Variants in TAF3 observed in about 807,000 individuals in gnomAD.
The protein encoded by TAF3 is TATA-box binding protein associated factor 3.
TAF3 carries 7 observed loss-of-function variants against 80.6 expected under a neutral mutation model. That is an observed-to-expected ratio of 0.09 (90% CI 0.05 to 0.16). The LOEUF is 0.16. Ranked by LOEUF, TAF3 falls within the 10% of genes least tolerant of loss-of-function variation. TAF3 has a pLI of 1.00. For synonymous variants in TAF3, 444 were observed against 446.1 expected (o/e 1.00, Z 0.06); for missense variants, 921 against 1,140.2 (o/e 0.81, Z 2.77).
chr10:7,855,436 G>A (rs531094707), intron 2 of TAF3, among the ~76,000 whole-genome samples: 47 of 152,302 alleles, frequency 3.1e-4, no homozygotes, highest in African/African-American at 9.9e-4. Context: ...GAATACACCG[G>A]ATGCCGAGAT....
intron 2 of TAF3, among the ~76,000 whole-genome samples, chr10:7,937,716 G>T (rs1837934554): frequency 6.6e-6 from 1 of 152,212 alleles, no homozygotes; most frequent in Non-Finnish European, 1.5e-5. Context: ...AGGTCACAGG[G>T]AATAGTAATA....
intron 2 of TAF3, among the ~76,000 whole-genome samples, chr10:7,924,068 G>A (rs904646007): frequency 6.6e-6 from 1 of 152,112 alleles, no homozygotes; most frequent in East Asian, 1.9e-4. Flanking sequence ...TTCTCTTTGC[G>A]CACACCAATG....
chr10:7,960,177 G>A lies in TAF3; in HGVS notation c.410-3743G>A, dbSNP rs144865251. Reference sequence around the variant, plus strand: ...AGGAGGTTCTTTGAAATTTAGAAATGTAATATTAATAAGTGAATGTTCATT... The same window carrying A: ...AGGAGGTTCTTTGAAATTTAGAAATATAATATTAATAAGTGAATGTTCATT... On this transcript the variant is annotated intron_variant, in intron 2 of 6. Coordinates refer to ENST00000344293, the MANE Select transcript of TAF3 (RefSeq NM_031923.4). 9.5e-3 allele frequency among the ~76,000 whole-genome samples: 1,441 copies of A among 152,328 alleles called. 17 individuals are homozygous for A. Among genetic ancestry groups the A allele is most frequent in the Non-Finnish European group, 0.017 (1,161 of 68,036 alleles).
intron 2 of TAF3, among the ~76,000 whole-genome samples, chr10:7,914,877 C>T (rs1837693491): frequency 6.6e-6 from 1 of 150,516 alleles, no homozygotes. Context: ...ATAAACACAT[C>T]TGACCACATG....
rs142859282 is a variant in TAF3 at position 7,909,400 on chromosome 10, A to G, written c.410-54520A>G. The stretch of plus-strand genomic sequence containing the variant: ...ACCTCAGCACTTGGCCTCCACCACC[A>G]TCTGCCCCTCAGAACAGCACTTCTG... On this transcript the variant is annotated intron_variant, in intron 2 of 6. Coordinates refer to ENST00000344293, the MANE Select transcript of TAF3 (RefSeq NM_031923.4). Among the ~76,000 whole-genome samples the G allele has an allele frequency of 5.3e-3, 804 of 152,340 alleles. 12 individuals are homozygous for G. Among genetic ancestry groups the G allele is most frequent in the African/African-American group, 0.019 (776 of 41,582 alleles).
intron 2 of TAF3, among the ~76,000 whole-genome samples, chr10:7,949,546 G>A (rs1301653088): frequency 2.0e-5 from 3 of 152,176 alleles, no homozygotes; most frequent in Admixed American, 1.3e-4. Context: ...CCACTTTCAT[G>A]TTGCTTTAAT....
At chr10:7,921,292 A>G (rs1394351509) in intron 2 of TAF3, among the ~76,000 whole-genome samples, 1 of 152,160 alleles carries the variant, frequency 6.6e-6, no homozygotes, top group African/African-American at 2.4e-5. Flanking sequence ...GAGAAATATA[A>G]TGTAGTATGT....
intron 3 of TAF3, among the ~76,000 whole-genome samples, chr10:7,971,090 C>G (rs989264083): frequency 1.3e-5 from 2 of 152,144 alleles, no homozygotes; most frequent in African/African-American, 4.8e-5. Flanking sequence ...CAGCTCCCAG[C>G]CTTTCTGACT....
intron 4 of TAF3, among the ~76,000 whole-genome samples, chr10:8,003,530 A>C (rs1026019261): frequency 2.6e-5 from 4 of 152,248 alleles, no homozygotes; most frequent in Non-Finnish European, 5.9e-5. Flanking sequence ...TTGTGTTCAT[A>C]GTGCTAAACA....
chr10:8,010,365 A>G (rs75382569), intron 5 of TAF3, among the ~76,000 whole-genome samples: 9,511 of 152,332 alleles, frequency 0.062, 402 homozygotes, highest in East Asian at 0.13. Context: ...AGTAATATCA[A>G]TCTGTAAATG....
At chr10:7,943,292 G>C (rs750027345) in intron 2 of TAF3, among the ~76,000 whole-genome samples, 5 of 152,096 alleles carry the variant, frequency 3.3e-5, no homozygotes, top group Non-Finnish European at 7.4e-5. Context: ...CGTTCTGCTT[G>C]CTCCTTAGCA....
intron 2 of TAF3, among the ~76,000 whole-genome samples, chr10:7,841,863 C>T (rs1836916074): frequency 6.6e-6 from 1 of 152,094 alleles, no homozygotes; most frequent in South Asian, 2.1e-4. Flanking sequence ...AATCCTCTAA[C>T]AAAACTTTTT....
chr10:7,935,500 C>T (rs1045123424), intron 2 of TAF3, among the ~76,000 whole-genome samples: 3 of 152,076 alleles, frequency 2.0e-5, no homozygotes, highest in South Asian at 2.1e-4. Flanking sequence ...AGGAGAATGG[C>T]GTGAACCCGG....
intron 2 of TAF3, among the ~76,000 whole-genome samples, chr10:7,918,389 T>C (rs1025641067): frequency 6.6e-6 from 1 of 152,024 alleles, no homozygotes; most frequent in Non-Finnish European, 1.5e-5. Context: ...ACATGTAGAC[T>C]TAGAGTAAGG....
chr10:7,851,214 G>A (rs1381092022), intron 2 of TAF3, among the ~76,000 whole-genome samples: 1 of 152,202 alleles, frequency 6.6e-6, no homozygotes, highest in Non-Finnish European at 1.5e-5. Context: ...TAGTGAGAAA[G>A]CAACATTCTA....
intron 2 of TAF3, among the ~76,000 whole-genome samples, chr10:7,830,087 A>G (rs1195039854): frequency 6.6e-6 from 1 of 151,874 alleles, no homozygotes; most frequent in East Asian, 1.9e-4. Context: ...GCTCCTCTGC[A>G]TCTTCCCGTG....
intron 2 of TAF3, among the ~76,000 whole-genome samples, chr10:7,920,342 G>A (rs1218564431): frequency 4.1e-5 from 5 of 120,938 alleles, no homozygotes; most frequent in African/African-American, 1.4e-4. Context: ...ATGTGTGTGT[G>A]TGTGTGTAAA....
chr10:7,885,319 G>C (rs1331209806), intron 2 of TAF3, among the ~76,000 whole-genome samples: 1 of 151,906 alleles, frequency 6.6e-6, no homozygotes, highest in Non-Finnish European at 1.5e-5. Flanking sequence ...TACCCCCAGT[G>C]TAGTTAGTGA....
intron 2 of TAF3, among the ~76,000 whole-genome samples, chr10:7,929,801 G>T (rs993808261): frequency 6.6e-6 from 1 of 152,014 alleles, no homozygotes; most frequent in South Asian, 2.1e-4. Context: ...ATTTTACAGT[G>T]GTTCTAAAGT....
Sources: allele counts gnomAD v4.1 joint callset (sites outside exome capture counted in the v4.1 genomes callset), GRCh38; gene constraint gnomAD v4.1.1; transcripts MANE v1.5; gene names NCBI Gene and HGNC (gene_info 2026-07-23, HGNC 2026-07-21).